The following JAKMIP1 variants were observed in gnomAD, a reference collection of about 807,000 sequenced individuals.
JAKMIP1 encodes janus kinase and microtubule-interacting protein 1.
In JAKMIP1, 33 loss-of-function variants were observed where a neutral mutation model predicts 113.0. The observed-to-expected ratio is 0.29, with a 90% confidence interval of 0.22 to 0.39. JAKMIP1 has a LOEUF of 0.39. Among genes scored for constraint, JAKMIP1 ranks in the 10% least tolerant of loss-of-function variants. JAKMIP1 has a pLI of 1.00. For missense variants in JAKMIP1, 813 were observed against 1,080.5 expected (o/e 0.75, Z 3.47); for synonymous variants, 480 against 459.9 (o/e 1.04, Z -0.56).
intron 8 of JAKMIP1, chr4:6,070,144 C>G (rs1451434652): frequency 1.5e-5 from 6 of 398,728 alleles, no homozygotes; most frequent in Admixed American, 4.4e-5. Context: ...AAGTACAGCA[C>G]AAAGAGGACA....
chr4:6,136,615 G>A lies in JAKMIP1; in HGVS notation c.-147-23618C>T, dbSNP rs957214569. On this transcript the variant is annotated intron_variant, in intron 1 of 20. Coordinates refer to ENST00000409021, the MANE Select transcript of JAKMIP1 (RefSeq NM_001099433.2). This position sits in a 1 kb window ranked among gnomAD's most constrained non-coding sequence, Gnocchi z 5.9. The stretch of plus-strand genomic sequence containing the variant: ...GGCTCGTGTCACCTGCACCTTGCTC[G>A]ACTATCCTTTTCTTGCCTACTTTTC... 1.3e-5 allele frequency among the ~76,000 whole-genome samples: 2 copies of A among 152,074 alleles called. No individual in the cohort carries two copies. Among genetic ancestry groups the A allele is most frequent in the East Asian group, 3.9e-4 (2 of 5,182 alleles).
At chr4:6,100,694 A>C in intron 3 of JAKMIP1, among the ~76,000 whole-genome samples, 1 of 152,226 alleles carries the variant, frequency 6.6e-6, no homozygotes, top group Non-Finnish European at 1.5e-5. Flanking sequence ...AAGTCCTATC[A>C]GAATGACGGT....
intron 8 of JAKMIP1, among the ~76,000 whole-genome samples, chr4:6,078,239 T>A (rs1224993140): frequency 6.6e-6 from 1 of 150,654 alleles, no homozygotes. Context: ...CATTTAAACC[T>A]GGGTGGTGGA....
chr4:6,079,578 C>A (rs1720203758), intron 7 of JAKMIP1, among the ~76,000 whole-genome samples: 1 of 152,222 alleles, frequency 6.6e-6, no homozygotes, highest in African/African-American at 2.4e-5. Flanking sequence ...AAGCTCCCTG[C>A]AGGTGTTCTC....
At chr4:6,124,181 C>T (rs991191946) in intron 1 of JAKMIP1, among the ~76,000 whole-genome samples, 25 of 152,300 alleles carry the variant, frequency 1.6e-4, no homozygotes, top group Non-Finnish European at 2.8e-4. Flanking sequence ...GTGGGCCGTG[C>T]GGACGGCACC....
Position 6,050,773 on chromosome 4 carries a change from AG to A in JAKMIP1, c.1807-95del. ...TACTCAGCAAAAACCAAGGAATTCC[AG>A]TGGGCACAGACGTTACTAAAAAGCA... On this transcript the variant is annotated intron_variant, in intron 13 of 20. Transcript: ENST00000409021. This position sits in a 1 kb window ranked among gnomAD's most constrained non-coding sequence, Gnocchi z 7.4. 1 of 991,776 alleles carries A rather than the reference AG, an allele frequency of 1.0e-6. No individual in the cohort carries two copies. The highest frequency in any genetic ancestry group is 1.5e-5 in the South Asian group (1 of 68,516). 61.4% of individuals were successfully genotyped at this position (991,776 alleles called of 1,614,324 possible).
chr4:6,084,444 C>G (rs567234590), intron 5 of JAKMIP1, among the ~76,000 whole-genome samples: 10 of 152,096 alleles, frequency 6.6e-5, no homozygotes, highest in African/African-American at 1.9e-4. Context: ...AGAGGGTCTC[C>G]ATCATCAATC....
intron 8 of JAKMIP1, among the ~76,000 whole-genome samples, chr4:6,070,614 AG>A (rs1267918214): frequency 6.6e-6 from 1 of 152,234 alleles, no homozygotes; most frequent in East Asian, 1.9e-4. Flanking sequence ...GACAATCGCA[AG>A]GCCCCCGGGG....
Position 6,168,863 on chromosome 4 carries a change from T to C in JAKMIP1, c.-148+31390A>G, listed in dbSNP as rs1482147271. ...TTGCAGTGAGCTGTAATCACACCAC[T>C]GCACTCCAGCCTAGGTGACAGAGTG... On this transcript the variant is annotated intron_variant, in intron 1 of 20. Coordinates refer to ENST00000409021, the MANE Select transcript of JAKMIP1 (RefSeq NM_001099433.2). The surrounding 1 kb of genome is among the most constrained non-coding windows in gnomAD (Gnocchi z 4.6). 6.6e-6 allele frequency among the ~76,000 whole-genome samples: 1 copy of C among 151,726 alleles called. No individual in the cohort carries two copies. Among genetic ancestry groups the C allele is most frequent in the Non-Finnish European group, 1.5e-5 (1 of 67,974 alleles).
At chr4:6,053,849 G>T (rs1235840679) in intron 13 of JAKMIP1, 1 of 1,402,686 alleles carries the variant, frequency 7.1e-7, no homozygotes, top group East Asian at 2.5e-5. Context: ...GGGTGAGCAC[G>T]CTCTCCAGAA....
chr4:6,161,406 T>C (rs1326000532), intron 1 of JAKMIP1, among the ~76,000 whole-genome samples: 1 of 149,174 alleles, frequency 6.7e-6, no homozygotes, highest in Non-Finnish European at 1.5e-5. Context: ...GGCTTTGGCA[T>C]AGCTGGCAGG....
intron 1 of JAKMIP1, among the ~76,000 whole-genome samples, chr4:6,161,532 A>C (rs1174678577): frequency 8.0e-5 from 12 of 149,490 alleles, no homozygotes; most frequent in South Asian, 2.2e-4. Flanking sequence ...GCTCCAAAGA[A>C]GAAAGAAGGC....
intron 1 of JAKMIP1, among the ~76,000 whole-genome samples, chr4:6,196,650 G>A (rs1727876062): frequency 6.6e-6 from 1 of 152,166 alleles, no homozygotes; most frequent in Non-Finnish European, 1.5e-5. Flanking sequence ...GGTGAGGTCA[G>A]GAGTTTGAGA....
At chr4:6,090,807 G>C (rs1721954468) in intron 3 of JAKMIP1, among the ~76,000 whole-genome samples, 1 of 150,170 alleles carries the variant, frequency 6.7e-6, no homozygotes, top group Non-Finnish European at 1.5e-5. Flanking sequence ...CACTCCCCAT[G>C]TTGACCATAA....
At position 6,187,192 on chromosome 4, in the gene JAKMIP1, T is replaced by C. The variant is rs1432531174; in HGVS notation, c.-148+13061A>G. ...CTGTTGTTAGGTGCAAATATGTTTA[T>C]AATTGTTATATATTTCTGATGTATT... is the stretch of plus-strand genomic sequence containing the variant. On this transcript the variant is annotated intron_variant, in intron 1 of 20. Transcript: ENST00000409021. The surrounding 1 kb of genome is among the most constrained non-coding windows in gnomAD (Gnocchi z 4.2). 6.6e-6 allele frequency among the ~76,000 whole-genome samples: 1 copy of C among 152,226 alleles called. No individual in the cohort carries two copies. Among genetic ancestry groups the C allele is most frequent in the Non-Finnish European group, 1.5e-5 (1 of 68,048 alleles).
chr4:6,181,430 AG>A lies in JAKMIP1; in HGVS notation c.-148+18822del, dbSNP rs2109041200. Among the ~76,000 whole-genome samples, 1 of 152,236 alleles carries A rather than the reference AG, an allele frequency of 6.6e-6. No homozygotes were observed. The highest frequency in any genetic ancestry group is 2.4e-5 in the African/African-American group (1 of 41,526). ...CAGGTTACCACCAGCTCAGTACAGA[AG>A]GAAGTCCTTCTCAGGTGCAGACATT... On this transcript the variant is annotated intron_variant, in intron 1 of 20. Coordinates refer to ENST00000409021, the MANE Select transcript of JAKMIP1 (RefSeq NM_001099433.2). This position sits in a 1 kb window ranked among gnomAD's most constrained non-coding sequence, Gnocchi z 5.4.
rs748954532 is a variant in JAKMIP1, at chr4:6,026,865, CATTTTT to C, written c.2446-593_2446-588del. On this transcript the variant is annotated intron_variant, in intron 20 of 20. Transcript: ENST00000409021. Reference sequence around the variant, plus strand: ...CTTAAAACATTATGGAATTTCTTTGCATTTTTTTTTTTTTTTTTTTTTAGCTCACCA... The same window carrying C: ...CTTAAAACATTATGGAATTTCTTTGCTTTTTTTTTTTTTTTTAGCTCACCA... Among the ~76,000 whole-genome samples the C allele has an allele frequency of 6.8e-3, 594 of 87,958 alleles. 4 individuals are homozygous for C. Among genetic ancestry groups the C allele is most frequent in the African/African-American group, 0.024 (504 of 20,920 alleles). 57.7% of individuals were successfully genotyped at this position (87,958 alleles called of 152,430 possible).
At chr4:6,190,305 C>G (rs1476788373) in intron 1 of JAKMIP1, among the ~76,000 whole-genome samples, 1 of 152,164 alleles carries the variant, frequency 6.6e-6, no homozygotes, top group Non-Finnish European at 1.5e-5. Context: ...ATATCTCTAT[C>G]TAACATAGTT....
At chr4:6,152,196 C>A (rs34882066) in intron 1 of JAKMIP1, among the ~76,000 whole-genome samples, 1 of 151,906 alleles carries the variant, frequency 6.6e-6, no homozygotes, top group Non-Finnish European at 1.5e-5. Flanking sequence ...CAAATCAACT[C>A]GGAATAAAAC....
Sources: allele counts gnomAD v4.1 joint callset (sites outside exome capture counted in the v4.1 genomes callset), GRCh38; gene constraint gnomAD v4.1.1; non-coding constraint Gnocchi (gnomAD v3.1); transcripts MANE v1.5; gene names NCBI Gene and HGNC (gene_info 2026-07-23, HGNC 2026-07-21).